MACROD1: variants seen among roughly 807,000 people sequenced by gnomAD.
MACROD1 encodes the protein ADP-ribose glycohydrolase MACROD1.
MACROD1 carries 31 observed loss-of-function variants against 41.4 expected under a neutral mutation model. That is an observed-to-expected ratio of 0.75 (90% CI 0.56 to 1.01). MACROD1 has a LOEUF of 1.01. Among genes scored for constraint, MACROD1 ranks in the 50% least tolerant of loss-of-function variants. MACROD1 has a pLI of 0.00. For synonymous variants in MACROD1, 252 were observed against 203.4 expected (o/e 1.24, Z -2.03); for missense variants, 473 against 460.0 (o/e 1.03, Z -0.26).
At chr11:64,076,423 G>C (rs116709412) in intron 3 of MACROD1, among the ~76,000 whole-genome samples, 171 of 152,250 alleles carry the variant, frequency 1.1e-3, no homozygotes, top group African/African-American at 3.5e-3. Context: ...CATCACAGGT[G>C]GTCAACTGTA....
intron 3 of MACROD1, among the ~76,000 whole-genome samples, chr11:64,037,661 G>A (rs1488013137): frequency 6.6e-6 from 1 of 152,114 alleles, no homozygotes; most frequent in East Asian, 1.9e-4. Flanking sequence ...GTGTGTGTGT[G>A]CGCACCCAGT....
At chr11:64,085,912 A>G (rs1007296280) in intron 3 of MACROD1, among the ~76,000 whole-genome samples, 1 of 147,004 alleles carries the variant, frequency 6.8e-6, no homozygotes, top group Non-Finnish European at 1.5e-5. Flanking sequence ...GGGCCACCCC[A>G]CCCCCACAGA....
At chr11:64,047,268 T>C (rs2622410) in intron 3 of MACROD1, among the ~76,000 whole-genome samples, 40,023 of 151,988 alleles carry the variant, frequency 0.26, 5,504 homozygotes, top group African/African-American at 0.31. Context: ...CAAGCCTTCC[T>C]GGCCCGAGAT....
chr11:64,151,315 G>C lies in MACROD1; in HGVS notation c.441C>G (p.Asp147Glu). ...VKVEEPRYKK[D>E]KQLNEKISLL... ...GGGAGATTTTCTCATTGAGCTGCTT[G>C]TCCTTTTTATACCTGGGCTCCTCCA... is the stretch of plus-strand genomic sequence containing the variant. Residue 147 changes from aspartate (D) to glutamate (E), a missense_variant, in exon 3 of 11, where the codon GAC becomes GAG. Transcript: ENST00000255681. 4 of 1,613,964 alleles carry C rather than the reference G, an allele frequency of 2.5e-6. No individual in the cohort carries two copies. The highest frequency in any genetic ancestry group is 3.4e-6 in the Non-Finnish European group (4 of 1,180,028).
chr11:64,049,923 G>C lies in MACROD1; in HGVS notation c.518-34642C>G, dbSNP rs140844269. Among the ~76,000 whole-genome samples, 1,126 of 152,330 alleles carry C rather than the reference G, an allele frequency of 7.4e-3. 15 individuals are homozygous for C. Among genetic ancestry groups the C allele is most frequent in the Non-Finnish European group, 9.1e-3 (617 of 68,026 alleles). ...CCAGACCAAGACGCTGTGGCCCCGG[G>C]GGGGAGGCCAAACCTCTCTCAGAGC... On this transcript the variant is annotated intron_variant, in intron 3 of 10. Coordinates refer to ENST00000255681, the MANE Select transcript of MACROD1 (RefSeq NM_014067.4).
At chr11:64,058,349 G>C (rs1402489178) in intron 3 of MACROD1, among the ~76,000 whole-genome samples, 1 of 152,276 alleles carries the variant, frequency 6.6e-6, no homozygotes, top group Non-Finnish European at 1.5e-5. Flanking sequence ...ACGCTTAGAG[G>C]AGGCAGCCCA....
At position 64,039,013 on chromosome 11, in the gene MACROD1, C is replaced by T. The variant is rs111405569; in HGVS notation, c.518-23732G>A. On this transcript the variant is annotated intron_variant, in intron 3 of 10. Coordinates refer to ENST00000255681, the MANE Select transcript of MACROD1 (RefSeq NM_014067.4). ...GGGCCCTTGCCTAGTCTACACCCCTCGTTCACTGTGGGCCAAGGGCTTTCA... is the reference window on the plus strand; with the variant it reads ...GGGCCCTTGCCTAGTCTACACCCCTTGTTCACTGTGGGCCAAGGGCTTTCA... 1.1e-3 allele frequency among the ~76,000 whole-genome samples: 171 copies of T among 152,272 alleles called. 1 individual carries two copies. The highest frequency in any genetic ancestry group is 3.8e-3 in the African/African-American group (159 of 41,546).
intron 3 of MACROD1, among the ~76,000 whole-genome samples, chr11:64,035,479 G>A (rs1436486349): frequency 6.6e-6 from 1 of 152,074 alleles, no homozygotes. Flanking sequence ...GGCGGCGCGT[G>A]AGCTAGAACC....
chr11:64,158,327 C>T (rs1034186289), intron 1 of MACROD1, among the ~76,000 whole-genome samples: 6 of 152,166 alleles, frequency 3.9e-5, no homozygotes, highest in Admixed American at 3.3e-4. Flanking sequence ...GGCCTGAGGG[C>T]CTGAGGGGTG....
intron 3 of MACROD1, among the ~76,000 whole-genome samples, chr11:64,098,333 C>T (rs1944614128): frequency 6.6e-6 from 1 of 152,172 alleles, no homozygotes; most frequent in South Asian, 2.1e-4. Flanking sequence ...GGACACTGAC[C>T]TCTCACTATA....
At chr11:64,000,172 T>A (rs1048110980) in intron 5 of MACROD1, 55 bp downstream of exon 5, 5 of 1,431,866 alleles carry the variant, frequency 3.5e-6, no homozygotes, top group Non-Finnish European at 4.8e-6. Context: ...GATGTCCCAG[T>A]GACACACGGG....
At chr11:64,114,265 TG>T (rs1944926887) in intron 3 of MACROD1, among the ~76,000 whole-genome samples, 2 of 149,676 alleles carry the variant, frequency 1.3e-5, no homozygotes, top group Admixed American at 1.3e-4. Flanking sequence ...GGTGGATGGA[TG>T]GATGGATGGA....
At chr11:64,153,904 A>G (rs1033075019) in intron 1 of MACROD1, among the ~76,000 whole-genome samples, 1 of 151,816 alleles carries the variant, frequency 6.6e-6, no homozygotes, top group Admixed American at 6.6e-5. Context: ...GCCTGCCCTC[A>G]AATAATCCCG....
chr11:64,034,740 C>T (rs1002986073), intron 3 of MACROD1, among the ~76,000 whole-genome samples: 1 of 152,198 alleles, frequency 6.6e-6, no homozygotes, highest in African/African-American at 2.4e-5. Context: ...AGAGCAGGGC[C>T]GGCAGAGGGG....
intron 3 of MACROD1, among the ~76,000 whole-genome samples, chr11:64,119,998 TG>T (rs2134632011): frequency 6.6e-6 from 1 of 152,258 alleles, no homozygotes; most frequent in East Asian, 1.9e-4. Flanking sequence ...GAGGAGATGC[TG>T]GTCCGAGGGC....
In MACROD1 at chr11:64,122,516, G is replaced by T. The variant is rs541212138; in HGVS notation, c.517+28723C>A. ...GCACCGGGTCTCCTCCTTCCCCTGG[G>T]GATCTGGGAAACCCTCCCTCTGAGC... On this transcript the variant is annotated intron_variant, in intron 3 of 10. Coordinates refer to ENST00000255681, the MANE Select transcript of MACROD1 (RefSeq NM_014067.4). The surrounding 1 kb of genome is among the most constrained non-coding windows in gnomAD (Gnocchi z 4.0). Among the ~76,000 whole-genome samples the T allele has an allele frequency of 6.6e-6, 1 of 152,196 alleles. No homozygotes were observed. The highest frequency in any genetic ancestry group is 1.5e-5 in the Non-Finnish European group (1 of 68,030).
intron 3 of MACROD1, among the ~76,000 whole-genome samples, chr11:64,040,141 C>G (rs1231765297): frequency 6.6e-6 from 1 of 152,272 alleles, no homozygotes; most frequent in Admixed American, 6.5e-5. Flanking sequence ...GTGTCTTGCC[C>G]TCAGGGCGCT....
intron 3 of MACROD1, among the ~76,000 whole-genome samples, chr11:64,042,720 A>T (rs1465438502): frequency 6.6e-6 from 1 of 152,152 alleles, no homozygotes; most frequent in African/African-American, 2.4e-5. Context: ...GGGGTGCTTC[A>T]TGCCTCAGTT....
At chr11:64,094,011 C>T (rs1944534539) in intron 3 of MACROD1, among the ~76,000 whole-genome samples, 1 of 152,176 alleles carries the variant, frequency 6.6e-6, no homozygotes, top group African/African-American at 2.4e-5. Context: ...GCTAAGCAGG[C>T]CAGGGCCGGG....
Sources: allele counts gnomAD v4.1 joint callset (sites outside exome capture counted in the v4.1 genomes callset), GRCh38; gene constraint gnomAD v4.1.1; non-coding constraint Gnocchi (gnomAD v3.1); transcripts MANE v1.5; gene names NCBI Gene and HGNC (gene_info 2026-07-23, HGNC 2026-07-21).